Variants in VPS13B observed in about 807,000 individuals in gnomAD.
VPS13B encodes the protein vacuolar protein sorting 13 homolog B, also known as intermembrane lipid transfer protein VPS13B.
VPS13B carries 285 observed loss-of-function variants against 426.4 expected under a neutral mutation model. The observed-to-expected ratio is 0.67, with a 90% CI of 0.61 to 0.74. The LOEUF (loss-of-function observed/expected upper bound fraction) is 0.74, where lower values mean the gene tolerates loss of function less well. Ranked by LOEUF, VPS13B falls within the 30% of genes least tolerant of loss-of-function variation. The pLI is 0.00. For missense variants in VPS13B, 4,537 were observed against 4,782.6 expected, an observed-to-expected ratio of 0.95 and a Z score of 1.51; for synonymous variants, 1,676 against 1,676.4, an observed-to-expected ratio of 1.00 and a Z score of 0.01.
intron 39 of VPS13B, among the ~76,000 whole-genome samples, chr8:99,745,782 C>G (rs1159626771): frequency 6.6e-6 from 1 of 151,974 alleles, no homozygotes; most frequent in Non-Finnish European, 1.5e-5. Flanking sequence ...CTGTTCTCCA[C>G]TTTTTGTTGA....
chr8:99,804,158 C>T (rs1417451793), intron 43 of VPS13B: 1 of 152,536 alleles, frequency 6.6e-6, no homozygotes, highest in Non-Finnish European at 1.5e-5. Context: ...GGGCCCAGCA[C>T]CTAAAAGAAG....
At chr8:99,331,482 C>T (rs538199480) in intron 19 of VPS13B, among the ~76,000 whole-genome samples, 24 of 151,822 alleles carry the variant, frequency 1.6e-4, no homozygotes, top group African/African-American at 5.1e-4. Flanking sequence ...CTTATGTTCT[C>T]ATTAGCATAA....
At chr8:99,593,904 T>C (rs935435267) in intron 33 of VPS13B, among the ~76,000 whole-genome samples, 2 of 151,884 alleles carry the variant, frequency 1.3e-5, no homozygotes, top group Non-Finnish European at 2.9e-5. Context: ...CTGAGGTCCA[T>C]GGGTGGAGGG....
At chr8:99,767,674 A>T (rs1811295795) in intron 40 of VPS13B, among the ~76,000 whole-genome samples, 1 of 152,134 alleles carries the variant, frequency 6.6e-6, no homozygotes, top group Non-Finnish European at 1.5e-5. Flanking sequence ...CGCAGTTGTA[A>T]TCCCAGCACT....
intron 17 of VPS13B, among the ~76,000 whole-genome samples, chr8:99,267,723 C>CA (rs553692541): frequency 2.3e-3 from 272 of 120,810 alleles, no homozygotes; most frequent in African/African-American, 5.7e-3. Flanking sequence ...GAGACTCCGT[C>CA]AAAAAAAAAA....
At position 99,823,890 on chromosome 8, in the gene VPS13B, A is replaced by C; in HGVS notation, c.9242A>C (p.Glu3081Ala). The change falls in exon 51 of 62, where the codon GAA (glutamate) becomes GCA (alanine). Residue 3081 changes from glutamate (E) to alanine (A), a missense_variant. By Grantham distance (107) the Glu-to-Ala change is moderately radical. Coordinates refer to ENST00000357162, the MANE Select transcript of VPS13B (RefSeq NM_152564.5). ...VQQGIQIIQI[E>A]DKTTIINNTP... is the part of the protein sequence containing the mutation. ...CAAGGTATACAAATTATTCAGATTGAAGACAAGACTACAATAATCAATAAT... is the reference window on the plus strand; with the variant it reads ...CAAGGTATACAAATTATTCAGATTGCAGACAAGACTACAATAATCAATAAT... The C allele has an allele frequency of 6.2e-7, 1 of 1,613,478 alleles. No individual in the cohort carries two copies. Among genetic ancestry groups the C allele is most frequent in the South Asian group, 1.1e-5 (1 of 91,066 alleles).
At chr8:99,021,630 A>C (rs1296619077) in intron 2 of VPS13B, among the ~76,000 whole-genome samples, 3 of 151,030 alleles carry the variant, frequency 2.0e-5, no homozygotes, top group South Asian at 4.2e-4. Flanking sequence ...CAAAAAAAAA[A>C]CAAAAACACA....
At chr8:99,243,724 G>A (rs1418064465) in intron 17 of VPS13B, among the ~76,000 whole-genome samples, 1 of 152,196 alleles carries the variant, frequency 6.6e-6, no homozygotes, top group Non-Finnish European at 1.5e-5. Flanking sequence ...AGGGCCAACT[G>A]CCTTTAGTAG....
At chr8:99,532,810 A>G (rs1204439572) in intron 30 of VPS13B, among the ~76,000 whole-genome samples, 1 of 150,970 alleles carries the variant, frequency 6.6e-6, no homozygotes, top group Non-Finnish European at 1.5e-5. Context: ...AATAGCATAA[A>G]TATTTAACAC....
In VPS13B at chr8:99,817,719, G is replaced by A. The variant is rs1232285251; in HGVS notation, c.8277G>A (p.Leu2759=). The stretch of plus-strand genomic sequence containing the variant: ...TAGAAAACAATGAACTGACGGAGCT[G>A]TGTGTGAAGGCCAAAGGAGATGAAG... ...YILENNELTE[L]CVKAKGDEDW... is the part of the protein sequence containing the mutation. The change falls in exon 45 of 62, where the codon CTG becomes CTA. Residue 2759 remains leucine, a synonymous_variant. Coordinates refer to ENST00000357162, the MANE Select transcript of VPS13B (RefSeq NM_152564.5). 1 of 1,614,110 alleles carries A rather than the reference G, an allele frequency of 6.2e-7. No homozygotes were observed. Among genetic ancestry groups the A allele is most frequent in the Non-Finnish European group, 8.5e-7 (1 of 1,179,986 alleles).
At chr8:99,573,777 A>G (rs1490599941) in intron 31 of VPS13B, among the ~76,000 whole-genome samples, 1 of 152,174 alleles carries the variant, frequency 6.6e-6, no homozygotes, top group Non-Finnish European at 1.5e-5. Context: ...TGTCTTGGCA[A>G]TGAGGGCTCT....
chr8:99,096,506 A>T, intron 4 of VPS13B, 74 bp downstream of exon 4: 9 of 1,596,848 alleles, frequency 5.6e-6, no homozygotes, highest in Non-Finnish European at 6.8e-6. Context: ...CTGTAATCCC[A>T]GTGCTTTGGG....
At chr8:99,187,143 G>A (rs550926864) in intron 16 of VPS13B, among the ~76,000 whole-genome samples, 4 of 151,918 alleles carry the variant, frequency 2.6e-5, no homozygotes, top group South Asian at 2.1e-4. Context: ...GTACATTTTC[G>A]TATTATAGGA....
At chr8:99,028,525 C>G (rs1382422416) in intron 2 of VPS13B, among the ~76,000 whole-genome samples, 3 of 5,420 alleles carry the variant, frequency 5.5e-4, no homozygotes, top group Non-Finnish European at 1.5e-3. Context: ...GGGGCTGACC[C>G]CCCCCCCCAC....
At chr8:99,427,608 T>G (rs1394352870) in intron 21 of VPS13B, among the ~76,000 whole-genome samples, 1 of 151,966 alleles carries the variant, frequency 6.6e-6, no homozygotes, top group Non-Finnish European at 1.5e-5. Flanking sequence ...CAAGGAGAAC[T>G]ACAAACCACT....
chr8:99,108,168 GACAT>G (rs1415139757), intron 5 of VPS13B, among the ~76,000 whole-genome samples: 1 of 152,160 alleles, frequency 6.6e-6, no homozygotes, highest in African/African-American at 2.4e-5. Context: ...TGCTGCAAAG[GACAT>G]GATTTCATCC....
intron 33 of VPS13B, among the ~76,000 whole-genome samples, chr8:99,618,756 CTTTTAGTTA>C (rs2133888457): frequency 6.6e-6 from 1 of 152,264 alleles, no homozygotes; most frequent in Non-Finnish European, 1.5e-5. Flanking sequence ...ACCTCGTTCT[CTTTTAGTTA>C]TTTGTTTTTT....
At chr8:99,193,125 G>T in intron 17 of VPS13B, 68 bp downstream of exon 17, 1 of 1,490,358 alleles carries the variant, frequency 6.7e-7, no homozygotes, top group South Asian at 1.1e-5. Flanking sequence ...ATTTTATTAT[G>T]AAAATCCATA....
intron 30 of VPS13B, among the ~76,000 whole-genome samples, chr8:99,524,969 G>T (rs1416527029): frequency 6.6e-6 from 1 of 152,160 alleles, no homozygotes; most frequent in Non-Finnish European, 1.5e-5. Context: ...TAGCAGAAAT[G>T]AAGGTTTTCT....
Sources: gnomAD v4.1 joint callset for allele counts (sites outside exome capture counted in the v4.1 genomes callset) on GRCh38, gnomAD v4.1.1 for gene constraint, MANE v1.5 for transcripts, NCBI Gene and HGNC (gene_info 2026-07-23, HGNC 2026-07-21) for gene names.